The following BRMS1L variants were observed in gnomAD, a reference collection of about 807,000 sequenced individuals.
BRMS1L encodes BRMS1 like transcriptional repressor, also known as breast cancer metastasis-suppressor 1-like protein.
A neutral mutation model predicts 50.3 loss-of-function variants in BRMS1L; 23 were observed. That is an observed-to-expected ratio of 0.46 (90% CI 0.33 to 0.65). The LOEUF is 0.65. Ranked by LOEUF, BRMS1L falls within the 30% of genes least tolerant of loss-of-function variation. The pLI is 0.02. For missense variants in BRMS1L, 286 were observed against 386.1 expected, an observed-to-expected ratio of 0.74 and a Z score of 2.17; for synonymous variants, 114 against 126.9, an observed-to-expected ratio of 0.90 and a Z score of 0.69.
At position 35,870,825 on chromosome 14, in the gene BRMS1L, A is replaced by T; in HGVS notation, c.*348A>T. On this transcript the variant is annotated 3_prime_UTR_variant, in exon 10 of 10. Coordinates refer to ENST00000216807, the MANE Select transcript of BRMS1L (RefSeq NM_032352.4). ...GACTACATTTATCTGCAATTTTTAA[A>T]ATTTTCCATATCTTTGTCATTCATT... 6.3e-6 allele frequency: 1 copy of T among 157,678 alleles called. No individual in the cohort carries two copies. The highest frequency in any genetic ancestry group is 1.9e-4 in the East Asian group (1 of 5,328). 9.8% of individuals were successfully genotyped at this position (157,678 alleles called of 1,614,324 possible). A position where few individuals can be genotyped will look rare whatever the true frequency, so the allele number is the denominator to read the frequency against.
intron 9 of BRMS1L, among the ~76,000 whole-genome samples, chr14:35,869,597 C>A (rs986623176): frequency 7.9e-5 from 12 of 151,920 alleles, no homozygotes; most frequent in Non-Finnish European, 1.8e-4. Flanking sequence ...CCTGTAATCC[C>A]AACACTTTGG....
intron 4 of BRMS1L, among the ~76,000 whole-genome samples, chr14:35,839,322 T>G (rs1006363024): frequency 1.3e-5 from 2 of 152,232 alleles, no homozygotes; most frequent in African/African-American, 4.8e-5. Context: ...CCAGCTTTGT[T>G]CTTTTTGCTT....
At chr14:35,865,916 T>G (rs894807017) in intron 8 of BRMS1L, 155 bp downstream of exon 8, 11 of 677,990 alleles carry the variant, frequency 1.6e-5, no homozygotes, top group Non-Finnish European at 2.7e-5. Flanking sequence ...GAGTCATTGC[T>G]TCACGTAAAA....
chr14:35,854,395 G>A (rs545702559), intron 4 of BRMS1L, among the ~76,000 whole-genome samples: 19 of 152,278 alleles, frequency 1.2e-4, no homozygotes, highest in African/African-American at 3.4e-4. Flanking sequence ...GTGCTTAAGA[G>A]CAAGTCTGCA....
intron 4 of BRMS1L, among the ~76,000 whole-genome samples, chr14:35,843,198 C>T (rs897823753): frequency 6.6e-6 from 1 of 152,228 alleles, no homozygotes; most frequent in African/African-American, 2.4e-5. Flanking sequence ...CAAGCTCATT[C>T]TCTGTCCAGT....
At position 35,867,890 on chromosome 14, in the gene BRMS1L, G is replaced by T; in HGVS notation, c.728-16G>T. On this transcript the variant is annotated splice_polypyrimidine_tract_variant and intron_variant, in intron 8 of 9. Transcript: ENST00000216807. ...GTGTTTTATTAATATAACAGTTTTT[G>T]AACTGATCCCTTTAGCACCTGTGAA... The T allele has an allele frequency of 1.3e-6, 2 of 1,564,428 alleles. No individual in the cohort carries two copies. The highest frequency in any genetic ancestry group is 2.4e-5 in the South Asian group (2 of 82,048).
chr14:35,854,580 T>C (rs2078255811), intron 4 of BRMS1L, among the ~76,000 whole-genome samples: 1 of 152,218 alleles, frequency 6.6e-6, no homozygotes, highest in Non-Finnish European at 1.5e-5. Flanking sequence ...TCAGCCATTA[T>C]ATTTTCTGAT....
In BRMS1L at chr14:35,832,993, A is replaced by C; in HGVS notation, c.249A>C (p.Arg83=). Reference sequence around the variant, plus strand: ...CTTTGTTAAGACTTTATAAAGAACGATTAAGTCAGGTGGATGCAAAACTAC... The same window carrying C: ...CTTTGTTAAGACTTTATAAAGAACGCTTAAGTCAGGTGGATGCAAAACTAC... ...TDLKDQLYKE[R]LSQVDAKLQE... The change falls in exon 3 of 10, where the codon CGA becomes CGC. Residue 83 remains arginine (R), a synonymous_variant. Coordinates refer to ENST00000216807, the MANE Select transcript of BRMS1L (RefSeq NM_032352.4). 6.2e-7 allele frequency: 1 copy of C among 1,611,566 alleles called. No homozygotes were observed. The highest frequency in any genetic ancestry group is 8.5e-7 in the Non-Finnish European group (1 of 1,178,600).
At chr14:35,836,872 G>A (rs1412029730) in intron 4 of BRMS1L, among the ~76,000 whole-genome samples, 1 of 151,976 alleles carries the variant, frequency 6.6e-6, no homozygotes, top group African/African-American at 2.4e-5. Flanking sequence ...CTATCCATGA[G>A]CATGGAATGT....
intron 4 of BRMS1L, among the ~76,000 whole-genome samples, chr14:35,846,559 A>G (rs984046321): frequency 6.6e-6 from 1 of 152,126 alleles, no homozygotes; most frequent in East Asian, 1.9e-4. Flanking sequence ...TATTTTGTAG[A>G]ATGTTCCTCA....
In BRMS1L at chr14:35,829,424, A is replaced by G. The variant is rs2077889890; in HGVS notation, c.143-1986A>G. Among the ~76,000 whole-genome samples the G allele has an allele frequency of 2.0e-5, 3 of 152,232 alleles. No individual in the cohort carries two copies. In the South Asian group the frequency reaches 6.2e-4, roughly 31 times the overall value. The stretch of plus-strand genomic sequence containing the variant: ...ATCCCAAAAAATAATGAACAACTTA[A>G]TTTTTGAAGAATGTGATAATAATTT... On this transcript the variant is annotated intron_variant, in intron 1 of 9. Coordinates refer to ENST00000216807, the MANE Select transcript of BRMS1L (RefSeq NM_032352.4).
At chr14:35,855,318 C>A (rs1594339445) in intron 4 of BRMS1L, among the ~76,000 whole-genome samples, 1 of 152,238 alleles carries the variant, frequency 6.6e-6, no homozygotes, top group East Asian at 1.9e-4. Context: ...TCTTGAATTC[C>A]TGTTCTTCAA....
At position 35,868,032 on chromosome 14, in the gene BRMS1L, G is replaced by C; in HGVS notation, c.854G>C (p.Ser285Thr). The C allele has an allele frequency of 6.3e-7, 1 of 1,586,232 alleles. No individual in the cohort carries two copies. Among genetic ancestry groups the C allele is most frequent in the Non-Finnish European group, 8.5e-7 (1 of 1,171,952 alleles). ...CIDKKDECPTSAVITTINHDE... is the reference protein window; with the variant it reads ...CIDKKDECPTTAVITTINHDE... ...GATAAAAAAGATGAATGTCCTACAA[G>C]GTAAAAAAGCCTTTGTTATTTCAGT... The change falls in exon 9 of 10, where the codon AGT becomes ACT. Residue 285 changes from serine (S) to threonine (T), a missense_variant and splice_region_variant. Physicochemically the swap from Ser to Thr is moderately conservative, Grantham distance 58. Transcript: ENST00000216807.
intron 1 of BRMS1L, among the ~76,000 whole-genome samples, chr14:35,827,919 C>G (rs76110877): frequency 5.4e-4 from 82 of 152,060 alleles, no homozygotes; most frequent in African/African-American, 1.9e-3. Flanking sequence ...AGTACAAGGG[C>G]CAGAGTTTGG....
chr14:35,870,612 TAA>T lies in BRMS1L; in HGVS notation c.*137_*138del. ...GAATGTGTATTTGTAGGTAGTACTCTAAATAGATCTCATTGATATGTTATTAA... is the reference window on the plus strand; with the variant it reads ...GAATGTGTATTTGTAGGTAGTACTCTATAGATCTCATTGATATGTTATTAA... On this transcript the variant is annotated 3_prime_UTR_variant, in exon 10 of 10. Transcript: ENST00000216807. 1 of 527,470 alleles carries T rather than the reference TAA, an allele frequency of 1.9e-6. No homozygotes were observed. Among genetic ancestry groups the T allele is most frequent in the Non-Finnish European group, 3.5e-6 (1 of 289,408 alleles). 32.7% of individuals were successfully genotyped at this position (527,470 alleles called of 1,614,324 possible). A position where few individuals can be genotyped will look rare whatever the true frequency, so the allele number is the denominator to read the frequency against.
intron 4 of BRMS1L, among the ~76,000 whole-genome samples, chr14:35,835,714 A>G (rs1337188358): frequency 6.6e-6 from 1 of 152,090 alleles, no homozygotes; most frequent in East Asian, 1.9e-4. Context: ...GCATGGTGGC[A>G]GGTGGCTGTA....
intron 4 of BRMS1L, among the ~76,000 whole-genome samples, chr14:35,838,862 C>T (rs1167027747): frequency 6.6e-6 from 1 of 152,038 alleles, no homozygotes; most frequent in Non-Finnish European, 1.5e-5. Context: ...TCTGCAGAAG[C>T]TCTTTAGTTT....
intron 4 of BRMS1L, among the ~76,000 whole-genome samples, chr14:35,862,257 G>A (rs906949907): frequency 2.0e-5 from 3 of 152,064 alleles, no homozygotes; most frequent in African/African-American, 7.2e-5. Flanking sequence ...CCATGATGGT[G>A]ACAGATGGGA....
chr14:35,836,022 A>T (rs540569598), intron 4 of BRMS1L, among the ~76,000 whole-genome samples: 1 of 152,342 alleles, frequency 6.6e-6, no homozygotes, highest in East Asian at 1.9e-4. Flanking sequence ...TAGGTATAAA[A>T]ATGATAGAGC....
Sources: gnomAD v4.1 joint callset for allele counts (sites outside exome capture counted in the v4.1 genomes callset) on GRCh38, gnomAD v4.1.1 for gene constraint, MANE v1.5 for transcripts, NCBI Gene and HGNC (gene_info 2026-07-23, HGNC 2026-07-21) for gene names.